Variants in TMEM117 observed in about 807,000 individuals in gnomAD.
TMEM117 encodes transmembrane protein 117.
A neutral mutation model predicts 52.4 loss-of-function variants in TMEM117; 27 were observed. That is an observed-to-expected ratio of 0.51 (90% CI 0.38 to 0.71). The LOEUF (loss-of-function observed/expected upper bound fraction) is 0.71. Ranked by LOEUF, TMEM117 falls within the 30% of genes least tolerant of loss-of-function variation. The probability of loss-of-function intolerance (pLI) is 0.00; values close to 1 mark genes in which losing one functional copy is unlikely to be tolerated. For synonymous variants in TMEM117, 215 were observed against 206.3 expected (o/e 1.04, Z -0.36); for missense variants, 556 against 630.5 (o/e 0.88, Z 1.26).
chr12:44,134,024 C>A (rs1391306020), intron 3 of TMEM117, among the ~76,000 whole-genome samples: 1 of 152,126 alleles, frequency 6.6e-6, no homozygotes, highest in Non-Finnish European at 1.5e-5. Context: ...CATTATCTGC[C>A]TTTATTTTAT....
intron 2 of TMEM117, among the ~76,000 whole-genome samples, chr12:43,850,504 C>A (rs937402885): frequency 6.6e-6 from 1 of 152,064 alleles, no homozygotes; most frequent in South Asian, 2.1e-4. Context: ...TGTTTTTTTG[C>A]GTATGTGCTC....
At chr12:44,242,752 T>C in intron 5 of TMEM117, among the ~76,000 whole-genome samples, 1 of 149,182 alleles carries the variant, frequency 6.7e-6, no homozygotes, top group East Asian at 1.9e-4. Flanking sequence ...AGTCTATCTA[T>C]ATATTATATT....
intron 3 of TMEM117, among the ~76,000 whole-genome samples, chr12:43,966,989 C>T (rs187892891): frequency 4.2e-4 from 64 of 152,284 alleles, no homozygotes; most frequent in Admixed American, 8.5e-4. Context: ...TAGTGGGCAG[C>T]CTCTGAGATG....
Position 44,236,375 on chromosome 12 carries a change from A to G in TMEM117, c.608+24988A>G, listed in dbSNP as rs1949997113. ...CAATAGGTTCTCCTAGCCTATTTCTAGTTAGTTTTCTTTTCTTCTCTTAAA... is the reference window on the plus strand; with the variant it reads ...CAATAGGTTCTCCTAGCCTATTTCTGGTTAGTTTTCTTTTCTTCTCTTAAA... On this transcript the variant is annotated intron_variant, in intron 5 of 7. Coordinates refer to ENST00000266534, the MANE Select transcript of TMEM117 (RefSeq NM_032256.3). Among the ~76,000 whole-genome samples the G allele has an allele frequency of 1.3e-5, 2 of 151,888 alleles. 1 individual carries two copies. Among genetic ancestry groups the G allele is most frequent in the Non-Finnish European group, 2.9e-5 (2 of 67,954 alleles).
At chr12:44,036,764 G>T (rs1464720776) in intron 3 of TMEM117, among the ~76,000 whole-genome samples, 1 of 152,158 alleles carries the variant, frequency 6.6e-6, no homozygotes, top group Non-Finnish European at 1.5e-5. Flanking sequence ...TATATGTTAT[G>T]TGTATCTTCA....
At chr12:44,064,349 T>C (rs943321600) in intron 3 of TMEM117, among the ~76,000 whole-genome samples, 3 of 152,248 alleles carry the variant, frequency 2.0e-5, no homozygotes, top group Admixed American at 1.3e-4. Flanking sequence ...ATGTATTTTG[T>C]TTTTAATTGG....
At chr12:44,242,142 T>C (rs947991463) in intron 5 of TMEM117, among the ~76,000 whole-genome samples, 1 of 149,668 alleles carries the variant, frequency 6.7e-6, no homozygotes, top group Non-Finnish European at 1.5e-5. Flanking sequence ...TTTTTTTTTT[T>C]ACTTTTATTT....
At chr12:44,016,130 G>A (rs1375076793) in intron 3 of TMEM117, among the ~76,000 whole-genome samples, 1 of 152,070 alleles carries the variant, frequency 6.6e-6, no homozygotes, top group South Asian at 2.1e-4. Context: ...GGGTTCATAC[G>A]GTTCTGCCTC....
chr12:43,896,859 T>A (rs1257246804), intron 2 of TMEM117, among the ~76,000 whole-genome samples: 1 of 152,206 alleles, frequency 6.6e-6, no homozygotes, highest in African/African-American at 2.4e-5. Context: ...GAGGTTTCAG[T>A]TTATGGTGGG....
At chr12:44,162,740 C>T (rs576145064) in intron 4 of TMEM117, among the ~76,000 whole-genome samples, 1 of 152,262 alleles carries the variant, frequency 6.6e-6, no homozygotes, top group South Asian at 2.1e-4. Flanking sequence ...TTGAAAATGT[C>T]TCTGATGTTG....
chr12:44,245,794 A>G (rs756279481), intron 5 of TMEM117, among the ~76,000 whole-genome samples: 6 of 152,084 alleles, frequency 3.9e-5, no homozygotes, highest in Non-Finnish European at 7.4e-5. Flanking sequence ...TGTGGTGGAC[A>G]TTAGAATGAT....
chr12:44,359,839 A>G lies in TMEM117; in HGVS notation c.769-16756A>G, dbSNP rs187924145. Among the ~76,000 whole-genome samples the G allele has an allele frequency of 4.6e-3, 695 of 152,290 alleles. 7 individuals are homozygous for G. Among genetic ancestry groups the G allele is most frequent in the African/African-American group, 0.016 (662 of 41,584 alleles). On this transcript the variant is annotated intron_variant, in intron 6 of 7. Coordinates refer to ENST00000266534, the MANE Select transcript of TMEM117 (RefSeq NM_032256.3). ...TTTACACGTTACAAACTATGTTTACAAGTTTCCAAGGCAGCTATTTTAAAA... is the reference window on the plus strand; with the variant it reads ...TTTACACGTTACAAACTATGTTTACGAGTTTCCAAGGCAGCTATTTTAAAA...
chr12:44,096,309 A>G (rs1217210983), intron 3 of TMEM117, among the ~76,000 whole-genome samples: 4 of 152,138 alleles, frequency 2.6e-5, no homozygotes, highest in Non-Finnish European at 4.4e-5. Context: ...TATAGATTCA[A>G]TGCCATCCCC....
At position 44,388,631 on chromosome 12, in the gene TMEM117, G is replaced by A; in HGVS notation, c.1504G>A (p.Asp502Asn). 6.2e-7 allele frequency: 1 copy of A among 1,613,388 alleles called. No individual in the cohort carries two copies. The change falls in exon 8 of 8, where the codon GAT (aspartate) becomes AAT (asparagine). Residue 502 changes from aspartate to asparagine, a missense_variant. Asp to Asn is a conservative substitution (Grantham distance 23). This residue lies in a region of TMEM117 where 206 missense variants were observed against 211.1 expected (regional missense o/e 0.98). Transcript: ENST00000266534. ...CGAATCTACTAGTGCAACAGAAGCT[G>A]ATCAAGACCCAACGACTTCTAAAAG... The part of the protein sequence containing the change: ...LNESTSATEA[D>N]QDPTTSKSTP...
rs1164187996 is a variant in TMEM117 at position 44,090,859 on chromosome 12, T to G, written c.411-52666T>G. ...TATGTGTTTTTTTTTGTTTTTTTTT[T>G]TTTTTTGCTGAGTGCAGGCATCACC... is the stretch of plus-strand genomic sequence containing the variant. On this transcript the variant is annotated intron_variant, in intron 3 of 7. Transcript: ENST00000266534. Among the ~76,000 whole-genome samples the G allele has an allele frequency of 5.4e-5, 8 of 147,210 alleles. 1 individual carries two copies. The highest frequency in any genetic ancestry group is 1.9e-4 in the East Asian group (1 of 5,176).
At chr12:44,024,670 A>G (rs1170817258) in intron 3 of TMEM117, among the ~76,000 whole-genome samples, 2 of 152,018 alleles carry the variant, frequency 1.3e-5, no homozygotes. Flanking sequence ...CAGCAAATGG[A>G]AACAAAGTGG....
At chr12:44,295,835 T>G (rs529282272) in intron 5 of TMEM117, among the ~76,000 whole-genome samples, 1 of 152,330 alleles carries the variant, frequency 6.6e-6, no homozygotes, top group South Asian at 2.1e-4. Context: ...AGATCTCAAT[T>G]TCTTTGGGGT....
intron 3 of TMEM117, among the ~76,000 whole-genome samples, chr12:43,980,443 G>T (rs1199569175): frequency 1.3e-5 from 2 of 152,136 alleles, no homozygotes; most frequent in African/African-American, 2.4e-5. Flanking sequence ...GTTTGCATTA[G>T]GTCCCTTAAT....
intron 4 of TMEM117, among the ~76,000 whole-genome samples, chr12:44,150,449 G>A (rs1186959537): frequency 6.6e-6 from 1 of 152,060 alleles, no homozygotes; most frequent in Non-Finnish European, 1.5e-5. Context: ...TTGCGAGTGG[G>A]ACACCAACAT....
Sources: gnomAD v4.1 joint callset for allele counts (sites outside exome capture counted in the v4.1 genomes callset) on GRCh38, gnomAD v4.1.1 for gene constraint, gnomAD v4.1.1 regional missense constraint, MANE v1.5 for transcripts, NCBI Gene and HGNC (gene_info 2026-07-23, HGNC 2026-07-21) for gene names.